Variants in L2HGDH observed in about 807,000 individuals in gnomAD.
L2HGDH encodes the protein L-2-hydroxyglutarate dehydrogenase.
In L2HGDH, 34 loss-of-function variants were observed where a neutral mutation model predicts 51.5. That is an observed-to-expected ratio of 0.66 (90% CI 0.50 to 0.88). L2HGDH has a LOEUF of 0.88. L2HGDH is among the 40% of genes least tolerant of loss of function. L2HGDH has a pLI of 0.00. For synonymous variants in L2HGDH, 198 were observed against 197.9 expected (o/e 1.00, Z -0.01); for missense variants, 558 against 571.9 (o/e 0.98, Z 0.25).
At chr14:50,291,455 A>G (rs1890883793) in intron 4 of L2HGDH, among the ~76,000 whole-genome samples, 1 of 152,164 alleles carries the variant, frequency 6.6e-6, no homozygotes, top group Non-Finnish European at 1.5e-5. Flanking sequence ...AATGGGAAGT[A>G]ACAAGACCTA....
chr14:50,303,126 T>C (rs970574215), intron 1 of L2HGDH, 109 bp from the exon 2 acceptor site: 16 of 757,506 alleles, frequency 2.1e-5, no homozygotes, highest in Non-Finnish European at 3.0e-5. Flanking sequence ...TTTGTAATCA[T>C]GAAAACGTAT....
intron 6 of L2HGDH, among the ~76,000 whole-genome samples, chr14:50,272,336 T>C (rs1447243616): frequency 1.3e-5 from 2 of 152,116 alleles, no homozygotes; most frequent in East Asian, 3.9e-4. Context: ...TATACTCTAG[T>C]GAAAATGTCC....
chr14:50,280,147 G>A (rs1228644953), intron 5 of L2HGDH, among the ~76,000 whole-genome samples: 1 of 149,288 alleles, frequency 6.7e-6, no homozygotes, highest in Non-Finnish European at 1.5e-5. Flanking sequence ...CTCTAAGACT[G>A]AGCCACATGG....
rs1387495242 is a variant in L2HGDH at position 50,243,560 on chromosome 14, A to C, written c.*3498T>G. 4 of 766,990 alleles carry C rather than the reference A, an allele frequency of 5.2e-6. No homozygotes were observed. The highest frequency in any genetic ancestry group is 6.3e-6 in the Non-Finnish European group (4 of 631,332). 47.5% of individuals were successfully genotyped at this position (766,990 alleles called of 1,614,324 possible). On this transcript the variant is annotated 3_prime_UTR_variant, in exon 10 of 10. Coordinates refer to ENST00000267436, the MANE Select transcript of L2HGDH (RefSeq NM_024884.3). ...AAACTTTATTATATCAGTATTAAAC[A>C]AAAAAACCCTATTGACATACATATA...
At chr14:50,257,569 C>T (rs1364481974) in intron 9 of L2HGDH, among the ~76,000 whole-genome samples, 6 of 152,002 alleles carry the variant, frequency 3.9e-5, no homozygotes. Context: ...CAGGATCTTA[C>T]TATGTTGCCT....
chr14:50,291,197 C>CAAAAAAAAAAAAAAAAAA (rs1159640500), intron 4 of L2HGDH, among the ~76,000 whole-genome samples: 1 of 30,644 alleles, frequency 3.3e-5, no homozygotes, highest in Non-Finnish European at 7.1e-5. Context: ...GACTCCGTCT[C>CAAAAAAAAAAAAAAAAAA]AAAAAAAAAA....
In L2HGDH at chr14:50,280,387, A is replaced by G. The variant is rs1244830602; in HGVS notation, c.704-1833T>C. Among the ~76,000 whole-genome samples, 9 of 152,206 alleles carry G rather than the reference A, an allele frequency of 5.9e-5. No individual in the cohort carries two copies. The East Asian group carries it at 1.8e-3, about 30-fold the overall frequency. On this transcript the variant is annotated intron_variant, in intron 5 of 9. Coordinates refer to ENST00000267436, the MANE Select transcript of L2HGDH (RefSeq NM_024884.3). Reference sequence around the variant, plus strand: ...TACCATGTTGGCCAAGCTGGTCTGGAACTCCTGACCTCAGGTGATCCGCCT... The same window carrying G: ...TACCATGTTGGCCAAGCTGGTCTGGGACTCCTGACCTCAGGTGATCCGCCT...
rs540805138 is a variant in L2HGDH, at chr14:50,262,007, G to A, written c.1196+3351C>T. Among the ~76,000 whole-genome samples, 20 of 152,246 alleles carry A rather than the reference G, an allele frequency of 1.3e-4. 1 individual carries two copies. Among genetic ancestry groups the A allele is most frequent in the Middle Eastern group, 3.4e-3 (1 of 294 alleles). ...GGAAACACACCCCACTGAAAGTGTT[G>A]CTTCAACTATATTTTACTATTTACT... is the stretch of plus-strand genomic sequence containing the variant. On this transcript the variant is annotated intron_variant, in intron 9 of 9. Transcript: ENST00000267436.
At chr14:50,279,496 T>G (rs1001436136) in intron 5 of L2HGDH, among the ~76,000 whole-genome samples, 2 of 152,138 alleles carry the variant, frequency 1.3e-5, no homozygotes, top group Admixed American at 6.5e-5. Flanking sequence ...GGCTTATTAC[T>G]AGGTGCTATT....
At chr14:50,256,796 C>T (rs1888692404) in intron 9 of L2HGDH, among the ~76,000 whole-genome samples, 1 of 152,056 alleles carries the variant, frequency 6.6e-6, no homozygotes, top group South Asian at 2.1e-4. Context: ...AGATGGGATG[C>T]ACTGTACATC....
rs527749873 is a variant in L2HGDH, at chr14:50,242,957, T to C, written c.*4101A>G. The C allele has an allele frequency of 2.6e-5, 26 of 985,454 alleles. No homozygotes were observed. In the South Asian group the frequency reaches 4.7e-4, roughly 18 times the overall value. 61.0% of individuals were successfully genotyped at this position (985,454 alleles called of 1,614,324 possible). A position where few individuals can be genotyped will look rare whatever the true frequency, so the allele number is the denominator to read the frequency against. ...CATAGGTACAGCCATCAGGGTTGGA[T>C]TGCCTCCAAAAGTAGGCCCTACAAA... On this transcript the variant is annotated 3_prime_UTR_variant, in exon 10 of 10. Coordinates refer to ENST00000267436, the MANE Select transcript of L2HGDH (RefSeq NM_024884.3).
intron 6 of L2HGDH, among the ~76,000 whole-genome samples, chr14:50,272,303 G>A (rs1332466398): frequency 6.6e-6 from 1 of 152,166 alleles, no homozygotes; most frequent in Non-Finnish European, 1.5e-5. Flanking sequence ...ATAGGCCCCT[G>A]TATATATTCT....
chr14:50,294,560 C>A (rs906127483), intron 3 of L2HGDH, among the ~76,000 whole-genome samples: 7 of 152,170 alleles, frequency 4.6e-5, no homozygotes, highest in Admixed American at 6.5e-5. Flanking sequence ...ACCACATTCT[C>A]AAACCCAGAA....
At chr14:50,259,276 C>A (rs1202358548) in intron 9 of L2HGDH, among the ~76,000 whole-genome samples, 4 of 151,676 alleles carry the variant, frequency 2.6e-5, no homozygotes, top group Non-Finnish European at 4.4e-5. Context: ...AACACCCCCA[C>A]TGAATTATTT....
rs372867817 is a variant in L2HGDH, at chr14:50,289,145, AT to A, written c.540+4969del. Among the ~76,000 whole-genome samples, 194 of 152,064 alleles carry A rather than the reference AT, an allele frequency of 1.3e-3. 9 individuals are homozygous for A. The South Asian group carries it at 0.037, about 29-fold the overall frequency. On this transcript the variant is annotated intron_variant, in intron 4 of 9. Coordinates refer to ENST00000267436, the MANE Select transcript of L2HGDH (RefSeq NM_024884.3). The stretch of plus-strand genomic sequence containing the variant: ...CTAATTTCTTAATTTTAATACTAGC[AT>A]TTTTTTTCCTTGAAGCATAACATCA...
rs912712123 is a variant in L2HGDH at position 50,244,748 on chromosome 14, G to GA, written c.*2309dup. On this transcript the variant is annotated 3_prime_UTR_variant, in exon 10 of 10. Coordinates refer to ENST00000267436, the MANE Select transcript of L2HGDH (RefSeq NM_024884.3). ...TCAATCAATGTAATCATCAATGCTT[G>GA]AAGTGAGGGGAAAAGGAAGAAAACA... The GA allele has an allele frequency of 1.0e-6, 1 of 985,294 alleles. No individual in the cohort carries two copies. Among genetic ancestry groups the GA allele is most frequent in the African/African-American group, 1.7e-5 (1 of 57,234 alleles). 61.0% of individuals were successfully genotyped at this position (985,294 alleles called of 1,614,324 possible). A position where few individuals can be genotyped will look rare whatever the true frequency, so the allele number is the denominator to read the frequency against.
Position 50,303,638 on chromosome 14 carries a change from G to A in L2HGDH, c.141-621C>T, listed in dbSNP as rs191070870. Among the ~76,000 whole-genome samples the A allele has an allele frequency of 7.1e-4, 108 of 151,702 alleles. 1 individual carries two copies. The highest frequency in any genetic ancestry group is 3.4e-3 in the Middle Eastern group (1 of 294). ...CTAAAAATACAAAAATTAGCTGGGTGTGGTGGCAGGCACCTGTAATCCCAA... is the reference window on the plus strand; with the variant it reads ...CTAAAAATACAAAAATTAGCTGGGTATGGTGGCAGGCACCTGTAATCCCAA... On this transcript the variant is annotated intron_variant, in intron 1 of 9. Coordinates refer to ENST00000267436, the MANE Select transcript of L2HGDH (RefSeq NM_024884.3).
intron 9 of L2HGDH, among the ~76,000 whole-genome samples, chr14:50,257,394 G>C (rs1888734356): frequency 6.7e-6 from 1 of 149,316 alleles, no homozygotes. Context: ...TTTTGAGACA[G>C]GGTCTTGCTC....
At chr14:50,290,798 G>A (rs1480738879) in intron 4 of L2HGDH, among the ~76,000 whole-genome samples, 1 of 151,750 alleles carries the variant, frequency 6.6e-6, no homozygotes, top group East Asian at 1.9e-4. Context: ...CAAGTGGCTG[G>A]GACTACAGGC....
Sources: allele counts gnomAD v4.1 joint callset (sites outside exome capture counted in the v4.1 genomes callset), GRCh38; gene constraint gnomAD v4.1.1; transcripts MANE v1.5; gene names NCBI Gene and HGNC (gene_info 2026-07-23, HGNC 2026-07-21).